The following HACD1 variants were observed in gnomAD, a reference collection of about 807,000 sequenced individuals.
The protein encoded by HACD1 is 3-hydroxyacyl-CoA dehydratase 1.
Under a neutral mutation model 32.0 loss-of-function variants are expected in HACD1, and 41 were observed. The ratio of observed to expected loss-of-function variants is 1.28; its 90% CI spans 1.00 to 1.66. The LOEUF is 1.66. Ranked by LOEUF, HACD1 falls within the 40% of genes most tolerant of loss-of-function variation. The pLI, the probability that HACD1 is intolerant of heterozygous loss-of-function variation, is 0.00. For missense variants in HACD1, 396 were observed against 380.1 expected (o/e 1.04, Z -0.35); for synonymous variants, 142 against 139.0 (o/e 1.02, Z -0.15).
intron 5 of HACD1, among the ~76,000 whole-genome samples, chr10:17,595,233 C>T (rs1012308815): frequency 2.6e-5 from 4 of 152,210 alleles, no homozygotes; most frequent in East Asian, 1.9e-4. Flanking sequence ...CTTTTGTCCG[C>T]GGCAGCTAGT....
chr10:17,592,193 G>T (rs1390690666), intron 6 of HACD1, among the ~76,000 whole-genome samples: 1 of 151,666 alleles, frequency 6.6e-6, no homozygotes, highest in African/African-American at 2.4e-5. Context: ...TGGTGGTCAG[G>T]CTGGTCTTGA....
chr10:17,592,541 A>G (rs1554815660), intron 6 of HACD1, among the ~76,000 whole-genome samples: 2 of 152,066 alleles, frequency 1.3e-5, no homozygotes, highest in Admixed American at 6.6e-5. Flanking sequence ...AGCATGGTGA[A>G]CTGGGAAGCT....
rs559270570 is a variant in HACD1, at chr10:17,595,985, CA to C, written c.606-1603del. On this transcript the variant is annotated intron_variant, in intron 5 of 6. Coordinates refer to ENST00000361271, the MANE Select transcript of HACD1 (RefSeq NM_014241.4). Reference sequence around the variant, plus strand: ...TGGGTGACACAGCGAGACCCTGTCTCAAAAAAAATAAATTTAATTTAAAAAA... The same window carrying C: ...TGGGTGACACAGCGAGACCCTGTCTCAAAAAAATAAATTTAATTTAAAAAA... Among the ~76,000 whole-genome samples, 10 of 150,256 alleles carry C rather than the reference CA, an allele frequency of 6.7e-5. No homozygotes were observed. The South Asian group carries it at 1.3e-3, about 19-fold the overall frequency.
chr10:17,614,532 C>T (rs1484774862), intron 1 of HACD1, among the ~76,000 whole-genome samples: 1 of 151,906 alleles, frequency 6.6e-6, no homozygotes, highest in African/African-American at 2.4e-5. Context: ...CGTGAGCCAC[C>T]GTGCTCGGCC....
At chr10:17,610,170 T>C (rs781869600) in intron 1 of HACD1, among the ~76,000 whole-genome samples, 5 of 152,098 alleles carry the variant, frequency 3.3e-5, no homozygotes, top group African/African-American at 2.4e-5. Context: ...CATCAACAAA[T>C]GGATGGATGA....
intron 4 of HACD1, among the ~76,000 whole-genome samples, chr10:17,601,675 C>T (rs955707010): frequency 5.9e-5 from 9 of 152,130 alleles, no homozygotes; most frequent in Non-Finnish European, 1.0e-4. Context: ...AGTCTGTCTT[C>T]TAGTCTGTTA....
intron 5 of HACD1, among the ~76,000 whole-genome samples, chr10:17,595,120 A>G (rs1463645224): frequency 6.6e-6 from 1 of 152,056 alleles, no homozygotes; most frequent in East Asian, 1.9e-4. Flanking sequence ...CAGCCTCCCA[A>G]AGTGCTGGGA....
intron 5 of HACD1, among the ~76,000 whole-genome samples, chr10:17,596,884 T>C (rs896166411): frequency 4.6e-5 from 7 of 152,278 alleles, no homozygotes; most frequent in African/African-American, 1.4e-4. Flanking sequence ...ACTGTAACAA[T>C]AGGCCAAACT....
intron 1 of HACD1, among the ~76,000 whole-genome samples, chr10:17,607,014 C>A (rs1056629871): frequency 6.6e-6 from 1 of 152,096 alleles, no homozygotes; most frequent in Non-Finnish European, 1.5e-5. Flanking sequence ...GTCGGTCTGG[C>A]TCTAAGTATA....
At chr10:17,609,313 C>T (rs1554817291) in intron 1 of HACD1, among the ~76,000 whole-genome samples, 1 of 151,872 alleles carries the variant, frequency 6.6e-6, no homozygotes, top group African/African-American at 2.4e-5. Context: ...GCCACCACGC[C>T]CGGCTAATTT....
intron 1 of HACD1, among the ~76,000 whole-genome samples, chr10:17,606,097 C>T (rs1217688232): frequency 2.0e-5 from 3 of 151,934 alleles, no homozygotes; most frequent in African/African-American, 7.2e-5. Flanking sequence ...ATCACTTGAG[C>T]ACAGAGGCGC....
intron 5 of HACD1, among the ~76,000 whole-genome samples, chr10:17,596,724 T>C (rs566111219): frequency 6.6e-6 from 1 of 152,312 alleles, no homozygotes; most frequent in South Asian, 2.1e-4. Flanking sequence ...CAATGCTTCT[T>C]TGAAGGTTCC....
intron 1 of HACD1, among the ~76,000 whole-genome samples, chr10:17,614,740 GTTTAT>G (rs71393025): frequency 0.14 from 20,726 of 151,266 alleles, 1,484 homozygotes; most frequent in East Asian, 0.29. Context: ...ACAAGGAAAC[GTTTAT>G]TTTATTTTAT....
chr10:17,615,918 A>T, intron 1 of HACD1: 1 of 404,514 alleles, frequency 2.5e-6, no homozygotes, highest in Non-Finnish European at 5.0e-6. Context: ...CAGTGAGCGG[A>T]GATCGCGCCA....
chr10:17,601,548 A>G (rs1554816523), intron 4 of HACD1, among the ~76,000 whole-genome samples: 1 of 152,128 alleles, frequency 6.6e-6, no homozygotes, highest in Non-Finnish European at 1.5e-5. Flanking sequence ...GCGACTCTCA[A>G]GCTTCCCTTT....
intron 5 of HACD1, among the ~76,000 whole-genome samples, chr10:17,595,170 A>T (rs1193972969): frequency 1.3e-5 from 2 of 152,026 alleles, no homozygotes; most frequent in Non-Finnish European, 2.9e-5. Flanking sequence ...ATGTAGCTTT[A>T]AAAAAAGTAT....
intron 6 of HACD1, among the ~76,000 whole-genome samples, chr10:17,593,635 A>G (rs1304567432): frequency 6.6e-6 from 1 of 152,194 alleles, no homozygotes; most frequent in Admixed American, 6.5e-5. Flanking sequence ...CAGCACTGAA[A>G]TGGAGTAAAG....
chr10:17,616,670 G>C lies in HACD1; in HGVS notation c.257+413C>G, dbSNP rs947602984. ...AAAAAAAAAAAAAAAAAAAAGTCGCGGTGAAATTAACAGGGGCGAAAACTC... is the reference window on the plus strand; with the variant it reads ...AAAAAAAAAAAAAAAAAAAAGTCGCCGTGAAATTAACAGGGGCGAAAACTC... On this transcript the variant is annotated intron_variant, in intron 1 of 6. Transcript: ENST00000361271. Among the ~76,000 whole-genome samples the C allele has an allele frequency of 4.0e-5, 6 of 150,702 alleles. No individual in the cohort carries two copies. The South Asian group carries it at 6.3e-4, about 16-fold the overall frequency.
At position 17,617,164 on chromosome 10, in the gene HACD1, C is replaced by G. The variant is rs1554818228; in HGVS notation, c.176G>C (p.Arg59Pro). The G allele has an allele frequency of 2.7e-5, 40 of 1,505,430 alleles. No individual in the cohort carries two copies. The highest frequency in any genetic ancestry group is 3.4e-5 in the Non-Finnish European group (38 of 1,131,120). The allele number at this position is 1,505,430 out of a possible 1,614,324, so 93.3% of individuals were successfully genotyped here. A position where few individuals can be genotyped will look rare whatever the true frequency, so the allele number is the denominator to read the frequency against. ...NGGASEAGEDREAPGERRRLG... is the reference protein window; with the variant it reads ...NGGASEAGEDPEAPGERRRLG... ...GCGCCTCCGCTCGCCGGGAGCCTCC[C>G]GGTCCTCGCCGGCCTCCGAGGCGCC... Residue 59 changes from arginine (R) to proline (P), a missense_variant, in exon 1 of 7, where the codon CGG (arginine) becomes CCG (proline). Arg to Pro is a moderately radical substitution (Grantham distance 103). Coordinates refer to ENST00000361271, the MANE Select transcript of HACD1 (RefSeq NM_014241.4).
Sources: allele counts gnomAD v4.1 joint callset (sites outside exome capture counted in the v4.1 genomes callset), GRCh38; gene constraint gnomAD v4.1.1; transcripts MANE v1.5; gene names NCBI Gene and HGNC (gene_info 2026-07-23, HGNC 2026-07-21).